The following GAS2 variants were observed in gnomAD, a reference collection of about 807,000 sequenced individuals.
The protein encoded by GAS2 is growth arrest specific 2.
GAS2 carries 20 observed loss-of-function variants against 37.5 expected under a neutral mutation model. The ratio of observed to expected loss-of-function variants is 0.53; its 90% confidence interval spans 0.37 to 0.77. The LOEUF (loss-of-function observed/expected upper bound fraction) is 0.77. GAS2 is among the 30% of genes least tolerant of loss of function. The pLI is 0.00. For synonymous variants in GAS2, 144 were observed against 132.2 expected (o/e 1.09, Z -0.61); for missense variants, 336 against 373.4 (o/e 0.90, Z 0.82).
chr11:22,767,833 C>G (rs1854773406), intron 7 of GAS2, among the ~76,000 whole-genome samples: 1 of 152,116 alleles, frequency 6.6e-6, no homozygotes, highest in African/African-American at 2.4e-5. Flanking sequence ...AATTAGGATT[C>G]ATTTATTTAG....
rs538263089 is a variant in GAS2, at chr11:22,714,105, C to G, written c.268-12187C>G. 6.6e-4 allele frequency among the ~76,000 whole-genome samples: 101 copies of G among 152,186 alleles called. 1 individual carries two copies. The highest frequency in any genetic ancestry group is 2.1e-3 in the African/African-American group (89 of 41,540). On this transcript the variant is annotated intron_variant, in intron 3 of 7. Coordinates refer to ENST00000454584, the MANE Select transcript of GAS2 (RefSeq NM_001143830.3). ...TCAGAATGGATCAAAATCCCAAAAC[C>G]AAGTGTCTGCCATCTTCAAGAGACT...
intron 7 of GAS2, among the ~76,000 whole-genome samples, chr11:22,786,008 G>A (rs1990423): frequency 0.37 from 56,252 of 151,784 alleles, 10,569 homozygotes; most frequent in Non-Finnish European, 0.38. Context: ...TCCTTCTAAA[G>A]GACTTAGTTT....
rs762095950 is a variant in GAS2 at position 22,749,217 on chromosome 11, A to G, written c.571A>G (p.Lys191Glu). Reference protein sequence around the residue: ...APSPSPSPSSKSSGKKSTGNL... With the variant: ...APSPSPSPSSESSGKKSTGNL... ...TTCTCCTTCACCTTCTCCTTCATCA[A>G]AGTCTTCTGGAAAAAAGAGTACAGG... Residue 191 changes from lysine (K) to glutamate (E), a missense_variant, in exon 6 of 8, where the codon AAG becomes GAG. Coordinates refer to ENST00000454584, the MANE Select transcript of GAS2 (RefSeq NM_001143830.3). 6.2e-7 allele frequency: 1 copy of G among 1,612,606 alleles called. No homozygotes were observed. Among genetic ancestry groups the G allele is most frequent in the East Asian group, 2.2e-5 (1 of 44,784 alleles).
At chr11:22,738,982 A>C (rs1416082122) in intron 5 of GAS2, among the ~76,000 whole-genome samples, 1 of 152,270 alleles carries the variant, frequency 6.6e-6, no homozygotes, top group East Asian at 1.9e-4. Context: ...TATTTACCCC[A>C]CACTCTTCCC....
chr11:22,628,030 T>C (rs373656554), intron 1 of GAS2, among the ~76,000 whole-genome samples: 225 of 152,326 alleles, frequency 1.5e-3, no homozygotes, highest in African/African-American at 5.2e-3. Context: ...TTTCTACTTA[T>C]CTGTTTAAAT....
chr11:22,658,283 CT>C (rs2133842244), intron 1 of GAS2, among the ~76,000 whole-genome samples: 1 of 152,292 alleles, frequency 6.6e-6, no homozygotes, highest in East Asian at 1.9e-4. Context: ...CCCGCCTCAG[CT>C]TCCCAAAGTG....
At chr11:22,734,558 T>C (rs1247244940) in intron 4 of GAS2, among the ~76,000 whole-genome samples, 1 of 151,572 alleles carries the variant, frequency 6.6e-6, no homozygotes, top group Non-Finnish European at 1.5e-5. Context: ...GGGAAAAAAG[T>C]GAATTAATAT....
chr11:22,670,975 A>G (rs1281026611), intron 1 of GAS2, among the ~76,000 whole-genome samples: 1 of 152,168 alleles, frequency 6.6e-6, no homozygotes, highest in East Asian at 1.9e-4. Context: ...GAGATAAGCC[A>G]GAAATCATCT....
chr11:22,740,553 G>A (rs537492198), intron 5 of GAS2, among the ~76,000 whole-genome samples: 6 of 152,272 alleles, frequency 3.9e-5, no homozygotes, highest in African/African-American at 1.4e-4. Flanking sequence ...CAGTAGGATA[G>A]ATTGAACATT....
chr11:22,641,256 C>G (rs1339434011), intron 1 of GAS2, among the ~76,000 whole-genome samples: 2 of 135,362 alleles, frequency 1.5e-5, no homozygotes, highest in Non-Finnish European at 3.2e-5. Flanking sequence ...ATATATATAT[C>G]TTTATATATA....
chr11:22,809,066 G>T (rs1160207787), intron 7 of GAS2, among the ~76,000 whole-genome samples: 1 of 152,100 alleles, frequency 6.6e-6, no homozygotes, highest in East Asian at 1.9e-4. Flanking sequence ...TCTTTGATTT[G>T]ATTTGCTTGG....
intron 7 of GAS2, among the ~76,000 whole-genome samples, chr11:22,759,352 TC>T (rs1484298486): frequency 1.3e-5 from 2 of 152,218 alleles, no homozygotes; most frequent in Non-Finnish European, 2.9e-5. Flanking sequence ...TTGTTTATGT[TC>T]ATATTTCTCC....
At chr11:22,776,038 G>A (rs1044247081) in intron 7 of GAS2, among the ~76,000 whole-genome samples, 10 of 152,116 alleles carry the variant, frequency 6.6e-5, no homozygotes, top group African/African-American at 2.2e-4. Context: ...CCAGATGTAC[G>A]GCTGAGTTAA....
intron 3 of GAS2, among the ~76,000 whole-genome samples, 186 bp downstream of exon 3, chr11:22,685,975 A>G (rs926222094): frequency 2.6e-5 from 4 of 152,198 alleles, no homozygotes; most frequent in African/African-American, 9.7e-5. Flanking sequence ...TAAATTGCAT[A>G]ATCCTTTTGG....
intron 3 of GAS2, among the ~76,000 whole-genome samples, chr11:22,691,897 T>A (rs1850262545): frequency 6.6e-6 from 1 of 152,164 alleles, no homozygotes; most frequent in Non-Finnish European, 1.5e-5. Context: ...ATTTTTTAAG[T>A]CTCTGACCAA....
intron 1 of GAS2, among the ~76,000 whole-genome samples, chr11:22,629,197 T>A (rs1408160092): frequency 6.6e-6 from 1 of 152,220 alleles, no homozygotes; most frequent in Non-Finnish European, 1.5e-5. Flanking sequence ...AGTAGTGGGA[T>A]TGCTGGATCA....
intron 7 of GAS2, among the ~76,000 whole-genome samples, chr11:22,759,475 T>G (rs1311977585): frequency 1.3e-5 from 2 of 152,240 alleles, no homozygotes; most frequent in East Asian, 1.9e-4. Context: ...AATGGGAATT[T>G]TTTTTGTTTC....
At chr11:22,653,017 TTCTTTCTTTCTTTCTTTC>T (rs1848809987) in intron 1 of GAS2, among the ~76,000 whole-genome samples, 8 of 146,658 alleles carry the variant, frequency 5.5e-5, no homozygotes, top group Admixed American at 2.8e-4. Context: ...CTTTCTTTCT[TTCTTTCTTTCTTTCTTTC>T]TCTTTCTTTC....
rs3049395 is a variant in GAS2, at chr11:22,704,588, CATATATATATAT to C, written c.267+18824_267+18835del. 1.3e-3 allele frequency among the ~76,000 whole-genome samples: 116 copies of C among 90,510 alleles called. 4 individuals carry two copies. In the East Asian group the frequency reaches 0.013, roughly 10 times the overall value. The allele number at this position is 90,510 out of a possible 152,430, so 59.4% of individuals were successfully genotyped here. On this transcript the variant is annotated intron_variant, in intron 3 of 7. Coordinates refer to ENST00000454584, the MANE Select transcript of GAS2 (RefSeq NM_001143830.3). Reference sequence around the variant, plus strand: ...TCAATTAGAAGCCAGTGAAAATAAACATATATATATATATATATATATATATATATATATATT... The same window carrying C: ...TCAATTAGAAGCCAGTGAAAATAAACATATATATATATATATATATATATT...
Sources: gnomAD v4.1 joint callset for allele counts (sites outside exome capture counted in the v4.1 genomes callset) on GRCh38, gnomAD v4.1.1 for gene constraint, MANE v1.5 for transcripts, NCBI Gene and HGNC (gene_info 2026-07-23, HGNC 2026-07-21) for gene names.